Variants in LYPLAL1 observed in about 807,000 individuals in gnomAD.
LYPLAL1 encodes lysophospholipase like 1.
In LYPLAL1, 23 loss-of-function variants were observed where a neutral mutation model predicts 19.7. The observed-to-expected ratio is 1.17, with a 90% confidence interval of 0.84 to 1.65. LYPLAL1 has a LOEUF of 1.65. Ranked by LOEUF, LYPLAL1 falls within the 40% of genes most tolerant of loss-of-function variation. LYPLAL1 has a pLI of 0.00. For synonymous variants in LYPLAL1, 119 were observed against 96.3 expected, an observed-to-expected ratio of 1.24 and a Z score of -1.38; for missense variants, 355 against 279.4, an observed-to-expected ratio of 1.27 and a Z score of -1.93.
the LYPLAL1 span, among the ~76,000 whole-genome samples, chr1:219,344,291 C>G: frequency 6.6e-6 from 1 of 152,136 alleles, no homozygotes; most frequent in South Asian, 2.1e-4. Flanking sequence ...TTCTTTATAG[C>G]ATTTGACACT....
chr1:219,431,922 T>C, the LYPLAL1 span, among the ~76,000 whole-genome samples: 1 of 152,210 alleles, frequency 6.6e-6, no homozygotes, highest in Non-Finnish European at 1.5e-5. Flanking sequence ...TCAATGATAT[T>C]ATCGATCTCA....
At chr1:219,289,402 G>A in the LYPLAL1 span, among the ~76,000 whole-genome samples, 2 of 152,140 alleles carry the variant, frequency 1.3e-5, no homozygotes, top group African/African-American at 4.8e-5. Flanking sequence ...TGGAGGCTCT[G>A]TGGGGAGTTT....
chr1:219,258,734 C>T, the LYPLAL1 span, among the ~76,000 whole-genome samples: 4 of 151,862 alleles, frequency 2.6e-5, no homozygotes, highest in East Asian at 7.7e-4. Context: ...GCCAAGAACC[C>T]AAAAGCAAAT....
chr1:219,289,129 G>T, the LYPLAL1 span, among the ~76,000 whole-genome samples: 1 of 141,102 alleles, frequency 7.1e-6, no homozygotes, highest in Non-Finnish European at 1.5e-5. Context: ...CACAGGACCC[G>T]AGGATGTGTA....
chr1:219,230,612 T>C, the LYPLAL1 span, among the ~76,000 whole-genome samples: 4 of 152,212 alleles, frequency 2.6e-5, no homozygotes, highest in Admixed American at 1.3e-4. Flanking sequence ...AAAATGTAAT[T>C]ATAATTAAAG....
intron 4 of LYPLAL1, among the ~76,000 whole-genome samples, chr1:219,210,893 C>G (rs1558247090): frequency 6.6e-6 from 1 of 151,990 alleles, no homozygotes; most frequent in Non-Finnish European, 1.5e-5. Flanking sequence ...AAAGGATAAT[C>G]ATGTGTGTGG....
chr1:219,388,065 C>A, the LYPLAL1 span, among the ~76,000 whole-genome samples: 1 of 152,160 alleles, frequency 6.6e-6, no homozygotes, highest in Non-Finnish European at 1.5e-5. Flanking sequence ...GTTTTACCTC[C>A]TCCACTAATT....
the LYPLAL1 span, among the ~76,000 whole-genome samples, chr1:219,316,777 T>C: frequency 2.0e-5 from 3 of 152,112 alleles, no homozygotes; most frequent in Admixed American, 1.3e-4. Context: ...CTACATTAAA[T>C]GAAATAAGCC....
chr1:219,220,946 T>C, the LYPLAL1 span, among the ~76,000 whole-genome samples: 30 of 152,292 alleles, frequency 2.0e-4, no homozygotes, highest in African/African-American at 6.7e-4. Flanking sequence ...AGGCAGCATT[T>C]ACAACCCCTA....
chr1:219,382,499 A>G, the LYPLAL1 span, among the ~76,000 whole-genome samples: 1 of 152,074 alleles, frequency 6.6e-6, no homozygotes, highest in Non-Finnish European at 1.5e-5. Context: ...AGCTGGGACT[A>G]CAGGCGCCCA....
the LYPLAL1 span, among the ~76,000 whole-genome samples, chr1:219,279,252 A>G: frequency 6.6e-6 from 1 of 152,162 alleles, no homozygotes; most frequent in Non-Finnish European, 1.5e-5. Context: ...TGTGACAAGG[A>G]GAGAATGGCA....
the LYPLAL1 span, among the ~76,000 whole-genome samples, chr1:219,291,926 GCTTA>G: frequency 6.6e-6 from 1 of 151,834 alleles, no homozygotes; most frequent in African/African-American, 2.4e-5. Context: ...AACTTAGCTT[GCTTA>G]CTTTTTTCAG....
At chr1:219,257,644 A>G in the LYPLAL1 span, among the ~76,000 whole-genome samples, 1 of 152,048 alleles carries the variant, frequency 6.6e-6, no homozygotes, top group Non-Finnish European at 1.5e-5. Context: ...CATGCTTCTG[A>G]GGCCAATAAA....
chr1:219,233,976 T>C, the LYPLAL1 span, among the ~76,000 whole-genome samples: 9 of 152,114 alleles, frequency 5.9e-5, no homozygotes, highest in African/African-American at 2.2e-4. Context: ...GTATGGGTGA[T>C]GGGGCAGAGG....
the LYPLAL1 span, among the ~76,000 whole-genome samples, chr1:219,440,008 T>TAC: frequency 5.9e-5 from 6 of 102,558 alleles, no homozygotes; most frequent in Admixed American, 2.1e-4. Context: ...TATATATATA[T>TAC]ATATACACAC....
chr1:219,297,135 G>C, the LYPLAL1 span, among the ~76,000 whole-genome samples: 1 of 152,070 alleles, frequency 6.6e-6, no homozygotes, highest in Admixed American at 6.6e-5. Flanking sequence ...TTTCAGTTGC[G>C]ACCTTAGGAA....
chr1:219,438,185 T>C, the LYPLAL1 span, among the ~76,000 whole-genome samples: 5 of 152,314 alleles, frequency 3.3e-5, no homozygotes, highest in African/African-American at 9.6e-5. Flanking sequence ...ACAAAAACTA[T>C]TTAGATATCA....
chr1:219,306,853 C>T, the LYPLAL1 span, among the ~76,000 whole-genome samples: 40,672 of 90,922 alleles, frequency 0.45, 6,083 homozygotes, highest in East Asian at 0.54. Context: ...GATAGATAGA[C>T]AGACAGACAG....
chr1:219,437,325 C>T, the LYPLAL1 span, among the ~76,000 whole-genome samples: 1 of 152,110 alleles, frequency 6.6e-6, no homozygotes, highest in Non-Finnish European at 1.5e-5. Flanking sequence ...ACCTGTAAAG[C>T]ATTAATAACT....
Sources: allele counts gnomAD v4.1 joint callset (sites outside exome capture counted in the v4.1 genomes callset), GRCh38; gene constraint gnomAD v4.1.1; transcripts MANE v1.5; gene names NCBI Gene and HGNC (gene_info 2026-07-23, HGNC 2026-07-21).